The following SPOCK1 variants were observed in gnomAD, a reference collection of about 807,000 sequenced individuals.
SPOCK1 encodes SPARC (osteonectin), cwcv and kazal like domains proteoglycan 1.
SPOCK1 carries 23 observed loss-of-function variants against 55.3 expected under a neutral mutation model. That is an observed-to-expected ratio of 0.42 (90% CI 0.30 to 0.59). SPOCK1 has a LOEUF of 0.59. Ranked by LOEUF, SPOCK1 falls within the 20% of genes least tolerant of loss-of-function variation. SPOCK1 has a pLI of 0.22. For synonymous variants in SPOCK1, 226 were observed against 221.0 expected, an observed-to-expected ratio of 1.02 and a Z score of -0.20; for missense variants, 499 against 552.5, an observed-to-expected ratio of 0.90 and a Z score of 0.97.
chr5:137,461,337 A>C (rs1320330826), intron 2 of SPOCK1, among the ~76,000 whole-genome samples: 3 of 152,218 alleles, frequency 2.0e-5, no homozygotes, highest in African/African-American at 7.2e-5. Flanking sequence ...CTTTTAAACC[A>C]TCTGCATCCA....
intron 2 of SPOCK1, among the ~76,000 whole-genome samples, chr5:137,383,043 C>T (rs975101084): frequency 2.6e-5 from 4 of 152,176 alleles, no homozygotes; most frequent in African/African-American, 9.7e-5. Flanking sequence ...CCTCGTGCCT[C>T]AGAAGTAGTA....
intron 6 of SPOCK1, among the ~76,000 whole-genome samples, chr5:137,022,101 C>G (rs1751588725): frequency 6.6e-6 from 1 of 152,088 alleles, no homozygotes; most frequent in Non-Finnish European, 1.5e-5. Flanking sequence ...TATGGAAGGA[C>G]TGATGCATGA....
intron 6 of SPOCK1, among the ~76,000 whole-genome samples, chr5:137,057,643 T>A (rs972184677): frequency 2.0e-5 from 3 of 152,188 alleles, no homozygotes; most frequent in Admixed American, 2.0e-4. Flanking sequence ...GGGCCACACC[T>A]TTCTTTGCTC....
intron 6 of SPOCK1, among the ~76,000 whole-genome samples, chr5:137,035,410 T>C (rs567526958): frequency 2.0e-3 from 311 of 152,314 alleles, no homozygotes; most frequent in Admixed American, 3.1e-3. Context: ...GCACAGACAC[T>C]GTACCTCTCT....
At chr5:137,395,912 G>A (rs573586026) in intron 2 of SPOCK1, among the ~76,000 whole-genome samples, 2 of 152,170 alleles carry the variant, frequency 1.3e-5, no homozygotes, top group Non-Finnish European at 2.9e-5. Flanking sequence ...CTCCCAGAAA[G>A]ATCCCAATCC....
At chr5:137,424,353 C>A (rs1447691796) in intron 2 of SPOCK1, among the ~76,000 whole-genome samples, 3 of 152,226 alleles carry the variant, frequency 2.0e-5, no homozygotes, top group Admixed American at 6.5e-5. Flanking sequence ...TGCACTCCAG[C>A]CTGGGTGACA....
intron 2 of SPOCK1, among the ~76,000 whole-genome samples, chr5:137,387,868 A>G (rs1751628584): frequency 2.0e-5 from 3 of 152,344 alleles, no homozygotes; most frequent in South Asian, 4.1e-4. Flanking sequence ...TGCTAAAAAA[A>G]AAAATAAAGT....
chr5:137,013,041 G>C (rs1751381592), intron 6 of SPOCK1, among the ~76,000 whole-genome samples: 2 of 152,182 alleles, frequency 1.3e-5, no homozygotes. Flanking sequence ...TGGATGTGTG[G>C]AGTGAGTTGG....
Position 137,498,445 on chromosome 5 carries a change from G to T in SPOCK1, c.114C>A (p.Phe38Leu). The T allele has an allele frequency of 6.2e-7, 1 of 1,611,150 alleles. No homozygotes were observed. The change falls in exon 2 of 11, where the codon TTC becomes TTA. Residue 38 changes from phenylalanine to leucine, a missense_variant. Coordinates refer to ENST00000394945, the MANE Select transcript of SPOCK1 (RefSeq NM_004598.4). ...TGCTCAGCCACTGGTCATTGTCTAGGAAATTGCCGTGGTTGGGGCCCGCGC... is the reference window on the plus strand; with the variant it reads ...TGCTCAGCCACTGGTCATTGTCTAGTAAATTGCCGTGGTTGGGGCCCGCGC... ...AGGAGPNHGN[F>L]LDNDQWLSTV...
chr5:137,330,609 C>T (rs572895581), intron 2 of SPOCK1, among the ~76,000 whole-genome samples: 1 of 152,340 alleles, frequency 6.6e-6, no homozygotes, highest in Admixed American at 6.5e-5. Flanking sequence ...ACTCATGCAA[C>T]TCAACAAATA....
chr5:136,994,132 C>T (rs756907820), intron 6 of SPOCK1, among the ~76,000 whole-genome samples: 3 of 152,272 alleles, frequency 2.0e-5, no homozygotes, highest in Non-Finnish European at 4.4e-5. Flanking sequence ...TCATTTACGA[C>T]GCTGCCTTCT....
intron 3 of SPOCK1, among the ~76,000 whole-genome samples, chr5:137,161,413 ACTCT>A (rs1034897200): frequency 6.6e-6 from 1 of 151,592 alleles, no homozygotes; most frequent in Non-Finnish European, 1.5e-5. Context: ...GAGCCTCTAA[ACTCT>A]CTCTCCAGGT....
At chr5:137,062,371 G>A (rs956971904) in intron 6 of SPOCK1, among the ~76,000 whole-genome samples, 2 of 152,032 alleles carry the variant, frequency 1.3e-5, no homozygotes, top group East Asian at 3.9e-4. Context: ...CAGGCCAGAA[G>A]GGAGTGGTTT....
chr5:137,357,245 C>G (rs897443046), intron 2 of SPOCK1, among the ~76,000 whole-genome samples: 18 of 152,140 alleles, frequency 1.2e-4, no homozygotes, highest in African/African-American at 4.1e-4. Context: ...TCCATCCATT[C>G]AGCTAATCAT....
rs190697466 is a variant in SPOCK1, at chr5:137,376,131, C to T, written c.187-109076G>A. ...GCTTTCACCACACAGTAGACAACCGCAGGCATGCTTGCCTCTAATTATTTC... is the reference window on the plus strand; with the variant it reads ...GCTTTCACCACACAGTAGACAACCGTAGGCATGCTTGCCTCTAATTATTTC... On this transcript the variant is annotated intron_variant, in intron 2 of 10. Coordinates refer to ENST00000394945, the MANE Select transcript of SPOCK1 (RefSeq NM_004598.4). Among the ~76,000 whole-genome samples, 241 of 152,344 alleles carry T rather than the reference C, an allele frequency of 1.6e-3. 1 individual carries two copies. Among genetic ancestry groups the T allele is most frequent in the Non-Finnish European group, 2.5e-3 (173 of 68,032 alleles).
rs141525220 is a variant in SPOCK1 at position 137,126,476 on chromosome 5, C to T, written c.348-13915G>A. ...ATGAGGAATATATTATTAGAAACTA[C>T]AGGAGATCAGGCACAGTTGCTCACA... On this transcript the variant is annotated intron_variant, in intron 4 of 10. Coordinates refer to ENST00000394945, the MANE Select transcript of SPOCK1 (RefSeq NM_004598.4). Among the ~76,000 whole-genome samples the T allele has an allele frequency of 1.1e-3, 163 of 152,290 alleles. 3 individuals are homozygous for T. The East Asian group carries it at 0.029, about 27-fold the overall frequency.
At chr5:137,272,405 T>A (rs1192313409) in intron 2 of SPOCK1, among the ~76,000 whole-genome samples, 2 of 152,230 alleles carry the variant, frequency 1.3e-5, no homozygotes, top group Non-Finnish European at 2.9e-5. Flanking sequence ...CCTGTAATTT[T>A]GTGTGCAATG....
At chr5:137,175,141 A>G (rs773954669) in intron 3 of SPOCK1, among the ~76,000 whole-genome samples, 4 of 152,206 alleles carry the variant, frequency 2.6e-5, no homozygotes, top group Non-Finnish European at 5.9e-5. Context: ...TATGGAAATG[A>G]GTTATGAAGA....
chr5:137,072,389 C>A (rs1240118636), intron 5 of SPOCK1, among the ~76,000 whole-genome samples: 1 of 152,162 alleles, frequency 6.6e-6, no homozygotes, highest in Non-Finnish European at 1.5e-5. Flanking sequence ...GGATTCTAGA[C>A]CCTCGACCTG....
Sources: gnomAD v4.1 joint callset for allele counts (sites outside exome capture counted in the v4.1 genomes callset) on GRCh38, gnomAD v4.1.1 for gene constraint, MANE v1.5 for transcripts, NCBI Gene and HGNC (gene_info 2026-07-23, HGNC 2026-07-21) for gene names.